Variants in MND1 observed in about 807,000 individuals in gnomAD.
The protein encoded by MND1 is meiotic nuclear divisions 1.
A neutral mutation model predicts 35.1 loss-of-function variants in MND1; 28 were observed. That is an observed-to-expected ratio of 0.80 (90% CI 0.59 to 1.09). The LOEUF is 1.09. Among genes scored for constraint, MND1 ranks in the 50% least tolerant of loss-of-function variants. MND1 has a pLI of 0.00. For missense variants in MND1, 213 were observed against 239.6 expected (o/e 0.89, Z 0.73); for synonymous variants, 69 against 70.5 (o/e 0.98, Z 0.11).
intron 6 of MND1, among the ~76,000 whole-genome samples, chr4:153,406,673 C>A (rs1021719021): frequency 2.0e-5 from 3 of 151,960 alleles, no homozygotes; most frequent in Non-Finnish European, 4.4e-5. Context: ...AGGATATGAA[C>A]GGACACTTCC....
intron 4 of MND1, among the ~76,000 whole-genome samples, chr4:153,368,942 A>C (rs2149639349): frequency 6.6e-6 from 1 of 152,350 alleles, no homozygotes; most frequent in Middle Eastern, 3.4e-3. Context: ...ACTATCTCAC[A>C]GTTCTTGTGA....
At chr4:153,371,612 G>A (rs975982657) in intron 4 of MND1, among the ~76,000 whole-genome samples, 1 of 152,078 alleles carries the variant, frequency 6.6e-6, no homozygotes, top group Non-Finnish European at 1.5e-5. Context: ...GAGAATTGAA[G>A]AGAGTTGAGG....
intron 4 of MND1, 56 bp downstream of exon 4, chr4:153,358,678 C>G: frequency 6.7e-7 from 1 of 1,502,066 alleles, no homozygotes. Flanking sequence ...AGTTGTTTTA[C>G]TTCATCCTCT....
intron 4 of MND1, among the ~76,000 whole-genome samples, chr4:153,379,580 G>A (rs2149644911): frequency 6.6e-6 from 1 of 151,662 alleles, no homozygotes. Flanking sequence ...AGCCAGGCGT[G>A]GTGGCTCACG....
chr4:153,345,492 A>G (rs1773053501), intron 1 of MND1: 1 of 985,272 alleles, frequency 1.0e-6, no homozygotes, highest in Admixed American at 6.1e-5. Flanking sequence ...GTGGGTCATG[A>G]TCAGTTAAGT....
chr4:153,404,731 G>A (rs7673913), intron 6 of MND1, among the ~76,000 whole-genome samples: 12,805 of 151,598 alleles, frequency 0.084, 684 homozygotes, highest in Non-Finnish European at 0.12. Flanking sequence ...TGCCCGCCTC[G>A]GCCTCTGAAA....
chr4:153,400,446 G>A (rs914983660), intron 6 of MND1, among the ~76,000 whole-genome samples: 3 of 152,286 alleles, frequency 2.0e-5, no homozygotes, highest in South Asian at 2.1e-4. Context: ...CCAGCACTTT[G>A]GGAGGCCAAG....
At position 153,400,664 on chromosome 4, in the gene MND1, G is replaced by A. The variant is rs2405854; in HGVS notation, c.466+3331G>A. On this transcript the variant is annotated intron_variant, in intron 6 of 7. Coordinates refer to ENST00000240488, the MANE Select transcript of MND1 (RefSeq NM_032117.4). ...TAGTTCAAGGCTGTAGTGAGCTATG[G>A]TCGTGCCACTATACTCCAGCCTGGG... Among the ~76,000 whole-genome samples the A allele has an allele frequency of 8.1e-3, 1,236 of 152,256 alleles. 14 individuals carry two copies. Among genetic ancestry groups the A allele is most frequent in the Non-Finnish European group, 0.012 (840 of 68,020 alleles).
At chr4:153,404,381 T>C (rs1188560256) in intron 6 of MND1, among the ~76,000 whole-genome samples, 25 of 146,784 alleles carry the variant, frequency 1.7e-4, no homozygotes, top group African/African-American at 2.5e-5. Flanking sequence ...TTAGTAGAGA[T>C]GAGGTTTCAC....
At chr4:153,389,412 G>A (rs916846946) in intron 4 of MND1, among the ~76,000 whole-genome samples, 10 of 152,076 alleles carry the variant, frequency 6.6e-5, no homozygotes, top group Admixed American at 2.6e-4. Flanking sequence ...CCAGGCTGGA[G>A]TGCAGTAGTG....
At chr4:153,383,038 T>C (rs1192147281) in intron 4 of MND1, among the ~76,000 whole-genome samples, 1 of 152,230 alleles carries the variant, frequency 6.6e-6, no homozygotes, top group East Asian at 1.9e-4. Context: ...TTTGCTGATC[T>C]TTAGCATCTA....
At chr4:153,405,485 G>A (rs1729474459) in intron 6 of MND1, among the ~76,000 whole-genome samples, 2 of 151,390 alleles carry the variant, frequency 1.3e-5, no homozygotes, top group African/African-American at 4.9e-5. Context: ...GCAGTGAGCC[G>A]AGATCATGCC....
intron 6 of MND1, among the ~76,000 whole-genome samples, chr4:153,404,089 C>G (rs1729418095): frequency 6.6e-6 from 1 of 151,636 alleles, no homozygotes; most frequent in Non-Finnish European, 1.5e-5. Flanking sequence ...CGAGAAAGCC[C>G]ATGTGTTGGA....
chr4:153,403,225 G>C (rs1270496269), intron 6 of MND1, among the ~76,000 whole-genome samples: 1 of 152,166 alleles, frequency 6.6e-6, no homozygotes, highest in Non-Finnish European at 1.5e-5. Flanking sequence ...TGCATGCTTA[G>C]GGTTGTTCAC....
chr4:153,404,065 A>G (rs760102139), intron 6 of MND1, among the ~76,000 whole-genome samples: 6 of 152,184 alleles, frequency 3.9e-5, no homozygotes, highest in Admixed American at 2.0e-4. Flanking sequence ...AAATGTTTCA[A>G]TGGAAACTGT....
chr4:153,390,919 A>ATGTG (rs149830333), intron 4 of MND1, among the ~76,000 whole-genome samples: 3,577 of 124,674 alleles, frequency 0.029, 131 homozygotes, highest in African/African-American at 0.094. Context: ...GTGTGTGTAT[A>ATGTG]TGTGTGTGTG....
chr4:153,413,432 CA>C (rs1394210470), intron 7 of MND1, among the ~76,000 whole-genome samples: 1 of 152,126 alleles, frequency 6.6e-6, no homozygotes, highest in Non-Finnish European at 1.5e-5. Context: ...GTAATCCCAG[CA>C]TTTTGGGAGG....
rs1773092515 is a variant in MND1, at chr4:153,347,053, C to CA, written c.3+2314dup. 2.0e-5 allele frequency among the ~76,000 whole-genome samples: 3 copies of CA among 152,166 alleles called. No homozygotes were observed. In the South Asian group the frequency reaches 6.2e-4, roughly 32 times the overall value. On this transcript the variant is annotated intron_variant, in intron 1 of 7. Transcript: ENST00000240488. ...TTTAAAAAATATGTTGCCCAGGTCC[C>CA]ATTCCAGAGATTTTGATTCCATTCA... is the stretch of plus-strand genomic sequence containing the variant.
chr4:153,385,337 A>G (rs895976626), intron 4 of MND1, among the ~76,000 whole-genome samples: 1 of 152,224 alleles, frequency 6.6e-6, no homozygotes, highest in Non-Finnish European at 1.5e-5. Flanking sequence ...TGTAACAGTT[A>G]AAATATTTAC....
Sources: allele counts gnomAD v4.1 joint callset (sites outside exome capture counted in the v4.1 genomes callset), GRCh38; gene constraint gnomAD v4.1.1; transcripts MANE v1.5; gene names NCBI Gene and HGNC (gene_info 2026-07-23, HGNC 2026-07-21).